The following FAT3 variants were observed in gnomAD, a reference collection of about 807,000 sequenced individuals.
The protein encoded by FAT3 is protocadherin Fat 3.
Under a neutral mutation model 310.2 loss-of-function variants are expected in FAT3, and 95 were observed. The ratio of observed to expected loss-of-function variants is 0.31; its 90% CI spans 0.26 to 0.36. The LOEUF (loss-of-function observed/expected upper bound fraction) is 0.36. Ranked by LOEUF, FAT3 falls within the 10% of genes least tolerant of loss-of-function variation. The pLI is 1.00. For missense variants in FAT3, 5,408 were observed against 5,715.6 expected (o/e 0.95, Z 1.74); for synonymous variants, 2,314 against 2,192.9 (o/e 1.06, Z -1.54).
Position 92,798,553 on chromosome 11 carries a change from T to G in FAT3, c.5540T>G (p.Phe1847Cys), listed in dbSNP as rs546833082. ...CTGGACCATGAAACCATTGCCCATT[T>G]CCATTTTCATGTGCATGTGAGAGAC... is the stretch of plus-strand genomic sequence containing the variant. ...ANLDHETIAHFHFHVHVRDSG... is the reference protein window; with the variant it reads ...ANLDHETIAHCHFHVHVRDSG... Residue 1847 changes from phenylalanine to cysteine, a missense_variant, in exon 10 of 28, where the codon TTC (phenylalanine) becomes TGC (cysteine). Transcript: ENST00000525166. 6.2e-7 allele frequency: 1 copy of G among 1,613,726 alleles called. No individual in the cohort carries two copies. Among genetic ancestry groups the G allele is most frequent in the African/African-American group, 1.3e-5 (1 of 75,034 alleles).
intron 2 of FAT3, among the ~76,000 whole-genome samples, chr11:92,411,837 C>T (rs1950276611): frequency 6.6e-6 from 1 of 151,882 alleles, no homozygotes; most frequent in East Asian, 1.9e-4. Context: ...TCATGGTGAT[C>T]ATATTTTGTA....
At chr11:92,494,107 G>C (rs774172874) in intron 2 of FAT3, among the ~76,000 whole-genome samples, 8 of 151,656 alleles carry the variant, frequency 5.3e-5, no homozygotes, top group Non-Finnish European at 1.0e-4. Flanking sequence ...CCTGAGAATG[G>C]CAGGAGAGAG....
Position 92,229,490 on chromosome 11 carries a change from G to GTTTTTTTTTTTTTTTTTT in FAT3, c.-18+4317_-18+4318insTTTTTTTTTTTTTTTTTT. Among the ~76,000 whole-genome samples the GTTTTTTTTTTTTTTTTTT allele has an allele frequency of 5.3e-4, 25 of 46,852 alleles. 4 individuals carry two copies. Among genetic ancestry groups the GTTTTTTTTTTTTTTTTTT allele is most frequent in the African/African-American group, 9.9e-4 (13 of 13,138 alleles). 30.7% of individuals were successfully genotyped at this position (46,852 alleles called of 152,430 possible). A position where few individuals can be genotyped will look rare whatever the true frequency, so the allele number is the denominator to read the frequency against. On this transcript the variant is annotated intron_variant, in intron 1 of 27. Transcript: ENST00000525166. ...CCTTGTTTTCTTTTTTTGTTTTTTC[G>GTTTTTTTTTTTTTTTTTT]TGTTTTTTTTTTTTTTGTTTTTTGT...
intron 2 of FAT3, among the ~76,000 whole-genome samples, chr11:92,393,137 T>C (rs1441082583): frequency 6.6e-6 from 1 of 152,190 alleles, no homozygotes; most frequent in Non-Finnish European, 1.5e-5. Flanking sequence ...AGCTGCTATT[T>C]CTTTTCCAGC....
In FAT3 at chr11:92,801,121, C is replaced by T. The variant is rs376409558; in HGVS notation, c.8108C>T (p.Thr2703Met). 20 of 1,613,872 alleles carry T rather than the reference C, an allele frequency of 1.2e-5. No individual in the cohort carries two copies. Among genetic ancestry groups the T allele is most frequent in the Admixed American group, 1.2e-4 (7 of 60,002 alleles). ...TATATCCACGTCTTGCCCCCTGAAA[C>T]GTTCTTGCCATCATTCACCCAGTCT... ...PVYIHVLPPE[T>M]FLPSFTQSQY... is the part of the protein sequence containing the mutation. The change falls in exon 10 of 28, where the codon ACG (threonine) becomes ATG (methionine). Residue 2703 changes from threonine (T) to methionine (M), a missense_variant. Around this residue, in one of 5 missense-constraint regions of FAT3, gnomAD observed 4,588 missense variants for 4,809.8 expected, o/e 0.95. Transcript: ENST00000525166.
intron 2 of FAT3, among the ~76,000 whole-genome samples, chr11:92,363,690 T>A (rs1314741705): frequency 6.6e-6 from 1 of 152,222 alleles, no homozygotes; most frequent in African/African-American, 2.4e-5. Flanking sequence ...TGTTGCATTT[T>A]GGCCCAGGCT....
chr11:92,337,367 T>G (rs550905395), intron 1 of FAT3, among the ~76,000 whole-genome samples: 2 of 152,356 alleles, frequency 1.3e-5, no homozygotes, highest in Admixed American at 6.5e-5. Flanking sequence ...AGGATGGTAT[T>G]GTTAAGCCAC....
intron 1 of FAT3, among the ~76,000 whole-genome samples, chr11:92,265,039 AAAC>A (rs1945896277): frequency 1.3e-5 from 2 of 152,148 alleles, no homozygotes; most frequent in South Asian, 4.2e-4. Context: ...GTTGAAAAAA[AAAC>A]CAAAATAATT....
rs904462719 is a variant in FAT3 at position 92,224,868 on chromosome 11, C to T, written c.-324C>T. On this transcript the variant is annotated 5_prime_UTR_variant, in exon 1 of 28. Transcript: ENST00000525166. ...AGCAGACAGGAGAGCCGGCGCTCCT[C>T]CCCGCAGGCTGCGCTGTGAACTGGC... 6.6e-6 allele frequency among the ~76,000 whole-genome samples: 1 copy of T among 151,992 alleles called. No homozygotes were observed. Among genetic ancestry groups the T allele is most frequent in the Non-Finnish European group, 1.5e-5 (1 of 67,994 alleles).
chr11:92,747,944 CTCT>C (rs889101958), intron 4 of FAT3, among the ~76,000 whole-genome samples: 1 of 152,198 alleles, frequency 6.6e-6, no homozygotes, highest in African/African-American at 2.4e-5. Flanking sequence ...ACATTGTTCT[CTCT>C]TCTTCTGAGC....
intron 2 of FAT3, among the ~76,000 whole-genome samples, chr11:92,373,615 C>A (rs11019937): frequency 0.37 from 56,300 of 151,754 alleles, 15,086 homozygotes; most frequent in African/African-American, 0.76. Flanking sequence ...ATAGTATATA[C>A]TGTTATAATG....
intron 3 of FAT3, among the ~76,000 whole-genome samples, chr11:92,673,263 T>C (rs1943187642): frequency 1.3e-5 from 2 of 152,226 alleles, no homozygotes; most frequent in African/African-American, 4.8e-5. Flanking sequence ...ACTACAAACA[T>C]TTTTCTAAGT....
intron 2 of FAT3, among the ~76,000 whole-genome samples, chr11:92,421,646 T>TA (rs1461048348): frequency 2.0e-5 from 3 of 152,236 alleles, no homozygotes; most frequent in African/African-American, 7.2e-5. Flanking sequence ...GTCTTTTGCT[T>TA]AAAATTATAT....
intron 2 of FAT3, among the ~76,000 whole-genome samples, chr11:92,500,336 A>G (rs935184502): frequency 6.6e-6 from 1 of 152,028 alleles, no homozygotes; most frequent in Non-Finnish European, 1.5e-5. Flanking sequence ...AAGTACTTTT[A>G]TGATCTATAA....
chr11:92,464,766 T>A (rs1951720572), intron 2 of FAT3, among the ~76,000 whole-genome samples: 1 of 152,194 alleles, frequency 6.6e-6, no homozygotes, highest in South Asian at 2.1e-4. Context: ...CCAGTGTCTG[T>A]TTGAAAGTTA....
At chr11:92,420,664 G>A (rs1440263056) in intron 2 of FAT3, among the ~76,000 whole-genome samples, 2 of 152,034 alleles carry the variant, frequency 1.3e-5, no homozygotes, top group African/African-American at 4.8e-5. Context: ...CAGATTCCAG[G>A]ACTATGGCAT....
chr11:92,574,484 G>T (rs1938360455), intron 3 of FAT3, among the ~76,000 whole-genome samples: 1 of 152,098 alleles, frequency 6.6e-6, no homozygotes. Context: ...AACCTTGCAG[G>T]ACTTCCATTT....
chr11:92,780,204 C>T (rs1382254492), intron 7 of FAT3, among the ~76,000 whole-genome samples: 2 of 150,536 alleles, frequency 1.3e-5, no homozygotes, highest in Non-Finnish European at 3.0e-5. Flanking sequence ...CTCTGTCACC[C>T]TGGCTGGAGT....
rs779908498 is a variant in FAT3 at position 92,354,099 on chromosome 11, G to C, written c.1987G>C (p.Asp663His). The change falls in exon 2 of 28, where the codon GAC (aspartate) becomes CAC (histidine). Residue 663 changes from aspartate (D) to histidine (H), a missense_variant. Transcript: ENST00000525166. The stretch of plus-strand genomic sequence containing the variant: ...AGCAACTGATGGAGAGAATCTTGCA[G>C]ACCCCATGTCTATTAACATTTCAGT... ...ITATDGENLADPMSINISVLH... is the reference protein window; with the variant it reads ...ITATDGENLAHPMSINISVLH... The C allele has an allele frequency of 1.2e-6, 2 of 1,613,572 alleles. No individual in the cohort carries two copies. Among genetic ancestry groups the C allele is most frequent in the East Asian group, 4.5e-5 (2 of 44,882 alleles).
Sources: gnomAD v4.1 joint callset for allele counts (sites outside exome capture counted in the v4.1 genomes callset) on GRCh38, gnomAD v4.1.1 for gene constraint, gnomAD v4.1.1 regional missense constraint, MANE v1.5 for transcripts, NCBI Gene and HGNC (gene_info 2026-07-23, HGNC 2026-07-21) for gene names.